PRKCA: variants seen among roughly 807,000 people sequenced by gnomAD.
PRKCA encodes the protein protein kinase C alpha type.
PRKCA carries 27 observed loss-of-function variants against 87.0 expected under a neutral mutation model. The ratio of observed to expected loss-of-function variants is 0.31; its 90% CI spans 0.23 to 0.43. PRKCA has a LOEUF of 0.43. Ranked by LOEUF, PRKCA falls within the 20% of genes least tolerant of loss-of-function variation. The probability of loss-of-function intolerance (pLI) is 1.00; values close to 1 mark genes in which losing one functional copy is unlikely to be tolerated. For missense variants in PRKCA, 518 were observed against 852.3 expected, an observed-to-expected ratio of 0.61 and a Z score of 4.88; for synonymous variants, 329 against 311.1, an observed-to-expected ratio of 1.06 and a Z score of -0.61.
intron 2 of PRKCA, among the ~76,000 whole-genome samples, chr17:66,418,540 A>G (rs1049356357): frequency 6.6e-6 from 1 of 151,476 alleles, no homozygotes; most frequent in South Asian, 2.1e-4. Context: ...GGCTCAAGCA[A>G]TTCTCCTGCC....
At chr17:66,789,602 T>C (rs544311583) in intron 16 of PRKCA, among the ~76,000 whole-genome samples, 2 of 152,364 alleles carry the variant, frequency 1.3e-5, no homozygotes, top group South Asian at 2.1e-4. Flanking sequence ...GCCTTACGAA[T>C]ATTAATTCAC....
At chr17:66,743,326 C>T (rs1216016437) in intron 13 of PRKCA, among the ~76,000 whole-genome samples, 1 of 152,056 alleles carries the variant, frequency 6.6e-6, no homozygotes, top group Admixed American at 6.5e-5. Context: ...CTCTGTCCCC[C>T]CAAAAAAAGA....
chr17:66,619,550 G>T (rs1290870847), intron 3 of PRKCA, among the ~76,000 whole-genome samples: 1 of 152,160 alleles, frequency 6.6e-6, no homozygotes, highest in Non-Finnish European at 1.5e-5. Context: ...AGGCTGGTTT[G>T]TATATGCAAC....
intron 13 of PRKCA, among the ~76,000 whole-genome samples, chr17:66,765,416 GTCTATATATATA>G (rs1472514889): frequency 1.2e-4 from 2 of 16,032 alleles, no homozygotes; most frequent in African/African-American, 4.4e-4. Flanking sequence ...GCAAGACTTT[GTCTATATATATA>G]TATATATATA....
chr17:66,315,723 G>A (rs1307497487), intron 2 of PRKCA, among the ~76,000 whole-genome samples: 4 of 152,018 alleles, frequency 2.6e-5, no homozygotes, highest in Non-Finnish European at 5.9e-5. Flanking sequence ...CAGGTGATCC[G>A]CCTGCCTCGG....
intron 3 of PRKCA, among the ~76,000 whole-genome samples, chr17:66,519,641 A>C (rs1260008097): frequency 6.6e-6 from 1 of 152,202 alleles, no homozygotes; most frequent in Non-Finnish European, 1.5e-5. Flanking sequence ...GGTGCTTGGT[A>C]AGCACTAATT....
chr17:66,342,290 C>T (rs375381871), intron 2 of PRKCA, among the ~76,000 whole-genome samples: 48 of 151,974 alleles, frequency 3.2e-4, no homozygotes, highest in East Asian at 1.2e-3. Flanking sequence ...GACGTGGTGG[C>T]GCATGCCTGT....
chr17:66,625,228 C>T (rs543310079), intron 3 of PRKCA, among the ~76,000 whole-genome samples: 1 of 152,318 alleles, frequency 6.6e-6, no homozygotes, highest in African/African-American at 2.4e-5. Context: ...ATAGAAAAAT[C>T]ACTTTCCAGA....
At chr17:66,390,848 G>T (rs6504422) in intron 2 of PRKCA, among the ~76,000 whole-genome samples, 14 of 151,986 alleles carry the variant, frequency 9.2e-5, no homozygotes, top group Middle Eastern at 3.2e-3. Context: ...GAGGGAGGGC[G>T]GTGCAGACTG....
chr17:66,423,666 A>C (rs1246575177), intron 2 of PRKCA, among the ~76,000 whole-genome samples: 2 of 152,192 alleles, frequency 1.3e-5, no homozygotes, highest in African/African-American at 4.8e-5. Context: ...GTAATCTGCA[A>C]TAGTAATTAT....
intron 2 of PRKCA, among the ~76,000 whole-genome samples, chr17:66,359,980 A>T (rs1011957953): frequency 6.6e-6 from 1 of 152,142 alleles, no homozygotes; most frequent in African/African-American, 2.4e-5. Flanking sequence ...TCACTCCTTA[A>T]ATTTAATATT....
In PRKCA at chr17:66,786,909, A is replaced by G. The variant is rs145582519; in HGVS notation, c.1648A>G (p.Ile550Val). The change falls in exon 15 of 17, where the codon ATC becomes GTC. Residue 550 changes from isoleucine to valine, a missense_variant. This residue lies in a region of PRKCA where 159 missense variants were observed against 232.4 expected (regional missense o/e 0.68). Coordinates refer to ENST00000413366, the MANE Select transcript of PRKCA (RefSeq NM_002737.3). ...GEDEDELFQS[I>V]MEHNVSYPKS... is the part of the protein sequence containing the mutation. ...AGATGAAGACGAGCTATTTCAGTCT[A>G]TCATGGAGCACAACGTTTCCTATCC... 6.1e-5 allele frequency: 99 copies of G among 1,614,096 alleles called. No homozygotes were observed. The highest frequency in any genetic ancestry group is 8.0e-5 in the Non-Finnish European group (94 of 1,180,036).
chr17:66,387,732 G>A (rs1910140121), intron 2 of PRKCA, among the ~76,000 whole-genome samples: 1 of 152,306 alleles, frequency 6.6e-6, no homozygotes, highest in African/African-American at 2.4e-5. Context: ...CTGCTCCCCA[G>A]GGGTGCCCCG....
At chr17:66,511,140 C>A (rs1917210508) in intron 3 of PRKCA, among the ~76,000 whole-genome samples, 1 of 152,162 alleles carries the variant, frequency 6.6e-6, no homozygotes, top group Non-Finnish European at 1.5e-5. Flanking sequence ...TTCTGCACTT[C>A]CAAGTCCCAA....
intron 2 of PRKCA, among the ~76,000 whole-genome samples, chr17:66,406,585 GTT>G (rs71160568): frequency 0.021 from 1,497 of 70,198 alleles, 66 homozygotes; most frequent in African/African-American, 0.063. Context: ...GCTTTTCCAG[GTT>G]TTTTTTTTTT....
intron 8 of PRKCA, among the ~76,000 whole-genome samples, chr17:66,708,214 C>T (rs925162864): frequency 2.0e-5 from 3 of 152,146 alleles, no homozygotes; most frequent in Non-Finnish European, 4.4e-5. Flanking sequence ...GTGTCTTCAG[C>T]ACTTAATTGA....
intron 2 of PRKCA, among the ~76,000 whole-genome samples, chr17:66,457,319 G>A (rs916781755): frequency 2.0e-5 from 3 of 152,092 alleles, no homozygotes; most frequent in Non-Finnish European, 2.9e-5. Context: ...AGAGATGTGT[G>A]GGGTTTCTTA....
intron 3 of PRKCA, among the ~76,000 whole-genome samples, chr17:66,640,237 G>A (rs902004055): frequency 6.6e-6 from 1 of 152,148 alleles, no homozygotes; most frequent in African/African-American, 2.4e-5. Flanking sequence ...ATGCCTCTGG[G>A]TAGTAGCAGA....
chr17:66,525,577 C>T (rs1967319200), intron 3 of PRKCA, among the ~76,000 whole-genome samples: 1 of 152,104 alleles, frequency 6.6e-6, no homozygotes, highest in African/African-American at 2.4e-5. Context: ...TGGAAGATCG[C>T]CAGGGCTCAT....
Sources: allele counts gnomAD v4.1 joint callset (sites outside exome capture counted in the v4.1 genomes callset), GRCh38; gene constraint gnomAD v4.1.1; regional missense constraint gnomAD v4.1.1; transcripts MANE v1.5; gene names NCBI Gene and HGNC (gene_info 2026-07-23, HGNC 2026-07-21).